Variants in FNDC7 observed in about 807,000 individuals in gnomAD.
FNDC7 encodes fibronectin type III domain containing 7, also known as fibronectin type III domain-containing protein 7.
In FNDC7, 66 loss-of-function variants were observed where a neutral mutation model predicts 74.2. The observed-to-expected ratio is 0.89, with a 90% CI of 0.73 to 1.09. The LOEUF is 1.09. Among genes scored for constraint, FNDC7 ranks in the 50% least tolerant of loss-of-function variants. FNDC7 has a pLI of 0.00. For missense variants in FNDC7, 829 were observed against 893.4 expected (o/e 0.93, Z 0.92); for synonymous variants, 307 against 330.2 (o/e 0.93, Z 0.76).
At chr1:108,732,300 A>C (rs1661402030) in intron 9 of FNDC7, among the ~76,000 whole-genome samples, 1 of 144,060 alleles carries the variant, frequency 6.9e-6, no homozygotes, top group Non-Finnish European at 1.5e-5. Flanking sequence ...CGGAGTTTGC[A>C]GTGAGCCGAC....
intron 10 of FNDC7, among the ~76,000 whole-genome samples, chr1:108,733,941 C>T (rs1323827201): frequency 2.0e-5 from 3 of 152,152 alleles, no homozygotes; most frequent in African/African-American, 2.4e-5. Context: ...TGAACCACTG[C>T]ACCCAGTCAA....
In FNDC7 at chr1:108,717,875, A is replaced by G; in HGVS notation, c.181A>G (p.Thr61Ala). Reference protein sequence around the residue: ...TVPGATSYLLTAEDGDTVIET... With the variant: ...TVPGATSYLLAAEDGDTVIET... ...GCCGGGTGCCACCAGTTACCTCCTC[A>G]CGGCTGAAGACGGGGACACAGTCAT... The change falls in exon 3 of 13, where the codon ACG becomes GCG. Residue 61 changes from threonine to alanine, a missense_variant. Coordinates refer to ENST00000370017, the MANE Select transcript of FNDC7 (RefSeq NM_001144937.3). 6.4e-7 allele frequency: 1 copy of G among 1,551,692 alleles called. No individual in the cohort carries two copies.
In FNDC7 at chr1:108,722,476, C is replaced by A; in HGVS notation, c.740C>A (p.Thr247Asn). Residue 247 changes from threonine to asparagine, a missense_variant, in exon 5 of 13, where the codon ACT (threonine) becomes AAT (asparagine). Thr to Asn is a moderately conservative substitution (Grantham distance 65). Coordinates refer to ENST00000370017, the MANE Select transcript of FNDC7 (RefSeq NM_001144937.3). ...TCTTCAGAGCTGACCTGCAGTACAACTTTCAGTTCCTGCACCATCTCTTCC... is the reference window on the plus strand; with the variant it reads ...TCTTCAGAGCTGACCTGCAGTACAAATTTCAGTTCCTGCACCATCTCTTCC... The part of the protein sequence containing the change: ...SDSSELTCST[T>N]FSSCTISSLQ... The A allele has an allele frequency of 6.2e-7, 1 of 1,614,250 alleles. No individual in the cohort carries two copies. The highest frequency in any genetic ancestry group is 8.5e-7 in the Non-Finnish European group (1 of 1,180,040).
chr1:108,726,057 A>G (rs1661215378), intron 6 of FNDC7, 53 bp downstream of exon 6: 1 of 1,590,466 alleles, frequency 6.3e-7, no homozygotes, highest in East Asian at 2.2e-5. Flanking sequence ...TAACCTCAGC[A>G]GCAGAATGGA....
At chr1:108,722,955 T>C (rs963890402) in intron 5 of FNDC7, among the ~76,000 whole-genome samples, 1 of 148,366 alleles carries the variant, frequency 6.7e-6, no homozygotes, top group African/African-American at 2.4e-5. Flanking sequence ...ATGTCTCATG[T>C]CCTAGGCTTG....
Position 108,728,812 on chromosome 1 carries a change from T to A in FNDC7, c.1550T>A (p.Val517Glu). 1 of 1,614,250 alleles carries A rather than the reference T, an allele frequency of 6.2e-7. No individual in the cohort carries two copies. The highest frequency in any genetic ancestry group is 8.5e-7 in the Non-Finnish European group (1 of 1,180,038). The change falls in exon 8 of 13, where the codon GTG becomes GAG. Residue 517 changes from valine (V) to glutamate (E), a missense_variant. Val to Glu is a moderately radical substitution (Grantham distance 121). Coordinates refer to ENST00000370017, the MANE Select transcript of FNDC7 (RefSeq NM_001144937.3). Reference sequence around the variant, plus strand: ...ATGCGGGGCTTGCCCTGTGGCTCAGTGTTCTCTGTCACTGCTGTGGCCGAA... The same window carrying A: ...ATGCGGGGCTTGCCCTGTGGCTCAGAGTTCTCTGTCACTGCTGTGGCCGAA... ...CTMRGLPCGSVFSVTAVAETQ... is the reference protein window; with the variant it reads ...CTMRGLPCGSEFSVTAVAETQ...
At chr1:108,728,370 T>A (rs545766425) in intron 7 of FNDC7, among the ~76,000 whole-genome samples, 1 of 152,204 alleles carries the variant, frequency 6.6e-6, no homozygotes, top group South Asian at 2.1e-4. Flanking sequence ...TGAAGGTGTA[T>A]AAATATGTTT....
At chr1:108,713,678 A>T in intron 2 of FNDC7, 149 bp downstream of exon 2, 1 of 657,572 alleles carries the variant, frequency 1.5e-6, no homozygotes, top group Non-Finnish European at 2.6e-6. Context: ...TAAGCACTCT[A>T]TTGGGTCCTG....
chr1:108,727,477 G>T (rs1001838591), intron 6 of FNDC7, among the ~76,000 whole-genome samples: 1 of 152,164 alleles, frequency 6.6e-6, no homozygotes, highest in Non-Finnish European at 1.5e-5. Flanking sequence ...GAGGGGAATG[G>T]CTTTCCAGTG....
Position 108,738,941 on chromosome 1 carries a change from AC to A in FNDC7, c.2170+1420del, listed in dbSNP as rs1355195863. On this transcript the variant is annotated intron_variant, in intron 11 of 12. Transcript: ENST00000370017. The stretch of plus-strand genomic sequence containing the variant: ...TCTCCCAAAGTAGTAGAGACCATAC[AC>A]CCTGGTCTTCAGTGAAAGGTACATG... Among the ~76,000 whole-genome samples, 3 of 152,060 alleles carry A rather than the reference AC, an allele frequency of 2.0e-5. No individual in the cohort carries two copies. In the East Asian group the frequency reaches 5.8e-4, roughly 29 times the overall value.
At chr1:108,713,066 T>G in intron 1 of FNDC7, 70 bp downstream of exon 1, 1 of 1,059,400 alleles carries the variant, frequency 9.4e-7, no homozygotes, top group East Asian at 3.1e-5. Flanking sequence ...TTTTCTCTCC[T>G]TTTTTTTTTG....
chr1:108,716,409 T>G (rs540829804), intron 2 of FNDC7, among the ~76,000 whole-genome samples: 1 of 149,262 alleles, frequency 6.7e-6, no homozygotes, highest in African/African-American at 2.5e-5. Context: ...GGCTTTCTAT[T>G]CTGTAGGGGA....
In FNDC7 at chr1:108,740,938, C is replaced by A. The variant is rs531931317; in HGVS notation, c.2171-835C>A. On this transcript the variant is annotated intron_variant, in intron 11 of 12. Transcript: ENST00000370017. ...TCTAACGAAGACATTTGCATTTTAA[C>A]CTTGGTCCTCATAATACACTTCCTC... is the stretch of plus-strand genomic sequence containing the variant. Among the ~76,000 whole-genome samples, 5 of 152,306 alleles carry A rather than the reference C, an allele frequency of 3.3e-5. No individual in the cohort carries two copies. In the South Asian group the frequency reaches 1.0e-3, roughly 32 times the overall value.
rs1189173320 is a variant in FNDC7, at chr1:108,713,316, ATT to A, written c.64-193_64-192del. The A allele has an allele frequency of 2.6e-5, 16 of 620,790 alleles. No individual in the cohort carries two copies. In the East Asian group the frequency reaches 4.2e-4, roughly 16 times the overall value. The allele number at this position is 620,790 out of a possible 1,614,324, so 38.5% of individuals were successfully genotyped here. A position where few individuals can be genotyped will look rare whatever the true frequency, so the allele number is the denominator to read the frequency against. ...GATCTGCCTCCAGCCTCTAAATTCT[ATT>A]TAGAGTTGTTTTGTGGTAGATTTGG... On this transcript the variant is annotated intron_variant, in intron 1 of 12. Coordinates refer to ENST00000370017, the MANE Select transcript of FNDC7 (RefSeq NM_001144937.3).
intron 2 of FNDC7, among the ~76,000 whole-genome samples, chr1:108,714,541 T>C (rs1205184703): frequency 6.6e-6 from 1 of 151,788 alleles, no homozygotes; most frequent in Non-Finnish European, 1.5e-5. Flanking sequence ...GTCTTATTCT[T>C]GAGAGATCTT....
chr1:108,718,857 G>A lies in FNDC7; in HGVS notation c.406G>A (p.Val136Ile). The A allele has an allele frequency of 6.4e-7, 1 of 1,551,778 alleles. No homozygotes were observed. The highest frequency in any genetic ancestry group is 8.7e-7 in the Non-Finnish European group (1 of 1,147,018). The change falls in exon 4 of 13, where the codon GTA (valine) becomes ATA (isoleucine). Residue 136 changes from valine to isoleucine, a missense_variant. By Grantham distance (29) the Val-to-Ile change is conservative. Transcript: ENST00000370017. ...CTCCATTCTTGTGCAGTGGGAAGCT[G>A]TATATATGGCAATTGCATTCTCCGT... ...SDSILVQWEA[V>I]YMAIAFSVSI... is the part of the protein sequence containing the mutation.
intron 6 of FNDC7, among the ~76,000 whole-genome samples, chr1:108,727,337 A>AAACAAC (rs200850102): frequency 6.6e-6 from 1 of 151,982 alleles, no homozygotes; most frequent in African/African-American, 2.4e-5. Flanking sequence ...TGAAAAAACA[A>AAACAAC]AACAACAACA....
chr1:108,736,717 T>G (rs914191338), intron 10 of FNDC7, among the ~76,000 whole-genome samples: 43 of 152,310 alleles, frequency 2.8e-4, no homozygotes, highest in Admixed American at 7.8e-4. Flanking sequence ...TTAGTAACAT[T>G]AGGTATCTAG....
chr1:108,730,549 A>G (rs1557791514), intron 8 of FNDC7, 125 bp from the exon 9 acceptor site: 3 of 1,102,722 alleles, frequency 2.7e-6, no homozygotes, highest in Non-Finnish European at 3.8e-6. Flanking sequence ...TTTTATTAAC[A>G]ATGGAAAGTT....
Sources: allele counts gnomAD v4.1 joint callset (sites outside exome capture counted in the v4.1 genomes callset), GRCh38; gene constraint gnomAD v4.1.1; transcripts MANE v1.5; gene names NCBI Gene and HGNC (gene_info 2026-07-23, HGNC 2026-07-21).